The following ERG variants were observed in gnomAD, a reference collection of about 807,000 sequenced individuals.
ERG encodes the protein ETS transcription factor ERG.
ERG carries 9 observed loss-of-function variants against 55.3 expected under a neutral mutation model. That is an observed-to-expected ratio of 0.16 (90% CI 0.10 to 0.28). The LOEUF (loss-of-function observed/expected upper bound fraction) is 0.28, where lower values mean the gene tolerates loss of function less well. Among genes scored for constraint, ERG ranks in the 10% least tolerant of loss-of-function variants. The probability of loss-of-function intolerance (pLI) is 1.00; values close to 1 mark genes in which losing one functional copy is unlikely to be tolerated. For synonymous variants in ERG, 223 were observed against 237.3 expected, an observed-to-expected ratio of 0.94 and a Z score of 0.55; for missense variants, 434 against 631.6, an observed-to-expected ratio of 0.69 and a Z score of 3.35.
chr21:38,498,577 G>T, upstream of ERG: 2 of 1,125,584 alleles, frequency 1.8e-6, no homozygotes, highest in Non-Finnish European at 2.3e-6. The surrounding 1 kb of genome is among the most constrained non-coding windows in gnomAD (Gnocchi z 4.6). Context: ...ATTTGGGAGT[G>T]GAGAGATAAG....
chr21:38,419,270 T>C (rs1432252397), intron 3 of ERG, among the ~76,000 whole-genome samples: 1 of 152,254 alleles, frequency 6.6e-6, no homozygotes, highest in Non-Finnish European at 1.5e-5. Context: ...CTGCCCAGAA[T>C]GCCTGGTGGC....
chr21:38,503,092 A>G (rs1036436914), upstream of ERG, among the ~76,000 whole-genome samples: 1 of 152,244 alleles, frequency 6.6e-6, no homozygotes, highest in Non-Finnish European at 1.5e-5. Flanking sequence ...ATTGACAGCT[A>G]TATCTTATAA....
rs141784827 is a variant in ERG at position 38,460,994 on chromosome 21, G to A, written c.19-15373C>T. ...TAATAAGCAGTGAATCCTCTTTTGC[G>A]GCTGAATTTTCCTCAAGGAAGCAGC... On this transcript the variant is annotated intron_variant, in intron 1 of 9. Coordinates refer to ENST00000288319, the MANE Select transcript of ERG (RefSeq NM_182918.4). This position sits in a 1 kb window ranked among gnomAD's most constrained non-coding sequence, Gnocchi z 5.0. Among the ~76,000 whole-genome samples the A allele has an allele frequency of 1.2e-3, 186 of 152,230 alleles. No individual in the cohort carries two copies. Among genetic ancestry groups the A allele is most frequent in the Non-Finnish European group, 2.2e-3 (150 of 68,010 alleles).
At chr21:38,401,354 G>T (rs1988481817) in intron 5 of ERG, among the ~76,000 whole-genome samples, 1 of 152,150 alleles carries the variant, frequency 6.6e-6, no homozygotes, top group South Asian at 2.1e-4. Flanking sequence ...CCTAAGAAGG[G>T]GAAGTAACTT....
intron 3 of ERG, among the ~76,000 whole-genome samples, chr21:38,419,534 C>A (rs1040308130): frequency 6.7e-6 from 1 of 148,758 alleles, no homozygotes; most frequent in Admixed American, 6.7e-5. Context: ...CACACACGTG[C>A]GTGTAAACCT....
Position 38,626,945 on chromosome 21 carries a change from T to C in ERG, c.-150+34713A>G, listed in dbSNP as rs553584764. The stretch of plus-strand genomic sequence containing the variant: ...ATCCCTCATATACAAATTTTTATAG[T>C]TTATGTAGCCATAAACTACAGTTTT... On this transcript the variant is annotated intron_variant, in intron 1 of 10. Coordinates refer to the ERG transcript ENST00000398910. 2.3e-3 allele frequency among the ~76,000 whole-genome samples: 343 copies of C among 152,274 alleles called. 2 individuals are homozygous for C. The highest frequency in any genetic ancestry group is 3.9e-3 in the Non-Finnish European group (263 of 68,016).
chr21:38,527,630 C>T (rs1043824839), intron 2 of ERG, among the ~76,000 whole-genome samples: 9 of 152,154 alleles, frequency 5.9e-5, no homozygotes, highest in Admixed American at 5.2e-4. Context: ...CCCCACCCCC[C>T]AACTCTCTTA....
chr21:38,398,611 C>G (rs1988339069), intron 6 of ERG, among the ~76,000 whole-genome samples: 1 of 152,180 alleles, frequency 6.6e-6, no homozygotes, highest in Non-Finnish European at 1.5e-5. Context: ...CTTGCCTTCC[C>G]TGGGTTGGGC....
intron 1 of ERG, among the ~76,000 whole-genome samples, chr21:38,451,426 T>C (rs2051165): frequency 0.75 from 113,659 of 152,164 alleles, 42,942 homozygotes; most frequent in East Asian, 0.89. Flanking sequence ...GATGTGTTCA[T>C]TGCAGGTGGA....
intron 2 of ERG, among the ~76,000 whole-genome samples, chr21:38,523,565 A>G (rs145471128): frequency 6.6e-6 from 1 of 152,180 alleles, no homozygotes; most frequent in East Asian, 1.9e-4. Context: ...ACCCTGATCT[A>G]CTTCTCTAAG....
At chr21:38,481,310 C>CA (rs1362477233) in intron 1 of ERG, among the ~76,000 whole-genome samples, 1 of 152,186 alleles carries the variant, frequency 6.6e-6, no homozygotes, top group East Asian at 1.9e-4. Flanking sequence ...TTCATGCATT[C>CA]ATTCATTCAG....
upstream of ERG, among the ~76,000 whole-genome samples, chr21:38,501,104 C>T (rs1375788228): frequency 8.4e-6 from 1 of 119,738 alleles, no homozygotes; most frequent in Admixed American, 1.1e-4. Context: ...ATCTTGCTGT[C>T]GCCCAGGCTG....
At chr21:38,607,874 C>T (rs142990129) in intron 1 of ERG, among the ~76,000 whole-genome samples, 4 of 150,634 alleles carry the variant, frequency 2.7e-5, no homozygotes, top group African/African-American at 9.8e-5. Flanking sequence ...GGCCTTGGAT[C>T]GTTTGGAAAG....
At chr21:38,513,361 T>C (rs1245308732) in intron 2 of ERG, among the ~76,000 whole-genome samples, 1 of 151,954 alleles carries the variant, frequency 6.6e-6, no homozygotes, top group Non-Finnish European at 1.5e-5. Context: ...ATATTCAGAT[T>C]GTAGGGGAAA....
chr21:38,553,340 G>T (rs961420396), intron 2 of ERG, among the ~76,000 whole-genome samples: 5 of 152,182 alleles, frequency 3.3e-5, no homozygotes, highest in African/African-American at 1.2e-4. Context: ...AAAACTATTT[G>T]GAAATTCATA....
Position 38,518,626 on chromosome 21 carries a change from T to C in ERG, c.-41+57036A>G, listed in dbSNP as rs139661968. Among the ~76,000 whole-genome samples the C allele has an allele frequency of 3.4e-3, 511 of 151,984 alleles. 4 individuals are homozygous for C. Among genetic ancestry groups the C allele is most frequent in the East Asian group, 0.023 (120 of 5,170 alleles). ...GAAGTAACTCATAACATCACAAAAA[T>C]TGATGTCAGATAAACTATAAATCTA... On this transcript the variant is annotated intron_variant, in intron 2 of 8. Transcript: ENST00000398897.
At chr21:38,592,171 T>C (rs1601288537) in intron 1 of ERG, among the ~76,000 whole-genome samples, 2 of 152,226 alleles carry the variant, frequency 1.3e-5, no homozygotes, top group Admixed American at 1.3e-4. Flanking sequence ...GTCATTTCTA[T>C]GGAGTCAATA....
intron 1 of ERG, among the ~76,000 whole-genome samples, chr21:38,452,128 TAAAG>T (rs1182672751): frequency 2.7e-5 from 4 of 150,122 alleles, no homozygotes; most frequent in Non-Finnish European, 6.0e-5. Context: ...GAAGTCCATC[TAAAG>T]AGAGTATTTC....
chr21:38,414,125 T>C (rs188457721), intron 3 of ERG, among the ~76,000 whole-genome samples: 112 of 152,334 alleles, frequency 7.4e-4, no homozygotes, highest in African/African-American at 2.5e-3. Context: ...TTGGCTCTTC[T>C]AGCTTCTGGT....
Sources: allele counts gnomAD v4.1 joint callset (sites outside exome capture counted in the v4.1 genomes callset), GRCh38; gene constraint gnomAD v4.1.1; non-coding constraint Gnocchi (gnomAD v3.1); transcripts MANE v1.5; gene names NCBI Gene and HGNC (gene_info 2026-07-23, HGNC 2026-07-21).